The following CGNL1 variants were observed in gnomAD, a reference collection of about 807,000 sequenced individuals.
CGNL1 encodes the protein cingulin like 1, also known as cingulin-like protein 1.
A neutral mutation model predicts 141.2 loss-of-function variants in CGNL1; 132 were observed. That is an observed-to-expected ratio of 0.93 (90% confidence interval 0.81 to 1.08). The LOEUF (loss-of-function observed/expected upper bound fraction) is 1.08, where lower values mean the gene tolerates loss of function less well. CGNL1 is among the 50% of genes least tolerant of loss of function. The pLI is 0.00. For synonymous variants in CGNL1, 690 were observed against 622.1 expected, an observed-to-expected ratio of 1.11 and a Z score of -1.63; for missense variants, 1,870 against 1,588.6, an observed-to-expected ratio of 1.18 and a Z score of -3.01.
At chr15:57,483,468 CTTTTTT>C (rs60667956) in intron 8 of CGNL1, among the ~76,000 whole-genome samples, 1 of 127,806 alleles carries the variant, frequency 7.8e-6, no homozygotes, top group Non-Finnish European at 1.6e-5. Flanking sequence ...ACAAAGTTTT[CTTTTTT>C]TTTTTTTTTT....
chr15:57,471,575 G>A (rs1054818820), intron 8 of CGNL1, among the ~76,000 whole-genome samples: 9 of 152,224 alleles, frequency 5.9e-5, no homozygotes, highest in Non-Finnish European at 8.8e-5. Context: ...GAGGTAATGC[G>A]CTGGAAGCAC....
intron 1 of CGNL1, among the ~76,000 whole-genome samples, chr15:57,389,625 A>G (rs1473660895): frequency 6.6e-6 from 1 of 152,126 alleles, no homozygotes; most frequent in African/African-American, 2.4e-5. Context: ...CTGGTGCCTT[A>G]TGTATAGGAG....
intron 8 of CGNL1, among the ~76,000 whole-genome samples, chr15:57,475,421 C>G (rs1190622884): frequency 6.6e-6 from 1 of 152,104 alleles, no homozygotes; most frequent in Non-Finnish European, 1.5e-5. Context: ...GTCCCCACAA[C>G]AGAGACATAT....
rs2033007054 is a variant in CGNL1, at chr15:57,549,175, A to G, written c.*1685A>G. On this transcript the variant is annotated 3_prime_UTR_variant, in exon 19 of 19. Coordinates refer to ENST00000281282, the MANE Select transcript of CGNL1 (RefSeq NM_032866.5). ...GACTCCCTCCTGGCCTTCCTGTGTCACTTCACAATGTGACAGTCCCCAGGC... is the reference window on the plus strand; with the variant it reads ...GACTCCCTCCTGGCCTTCCTGTGTCGCTTCACAATGTGACAGTCCCCAGGC... 6.6e-6 allele frequency: 1 copy of G among 152,202 alleles called. No homozygotes were observed. Among genetic ancestry groups the G allele is most frequent in the South Asian group, 2.1e-4 (1 of 4,832 alleles). 9.4% of individuals were successfully genotyped at this position (152,202 alleles called of 1,614,324 possible). A position where few individuals can be genotyped will look rare whatever the true frequency, so the allele number is the denominator to read the frequency against.
intron 1 of CGNL1, among the ~76,000 whole-genome samples, chr15:57,432,443 A>G (rs1300025689): frequency 1.3e-5 from 2 of 152,208 alleles, no homozygotes; most frequent in African/African-American, 4.8e-5. Flanking sequence ...TCTTACAAAC[A>G]CACTCGCTGA....
intron 1 of CGNL1, among the ~76,000 whole-genome samples, chr15:57,420,125 T>C (rs1415959762): frequency 1.3e-5 from 2 of 152,232 alleles, no homozygotes; most frequent in Non-Finnish European, 2.9e-5. Context: ...TTTCTGGCAC[T>C]GTAGGATACT....
intron 14 of CGNL1, among the ~76,000 whole-genome samples, chr15:57,539,751 TGGG>T (rs1362265211): frequency 6.6e-6 from 1 of 152,144 alleles, no homozygotes; most frequent in Admixed American, 6.5e-5. Flanking sequence ...TCCCCTGACA[TGGG>T]GGGTTGGAGG....
At chr15:57,437,518 T>A (rs1208229709) in intron 1 of CGNL1, among the ~76,000 whole-genome samples, 13 of 150,824 alleles carry the variant, frequency 8.6e-5, no homozygotes, top group Admixed American at 7.3e-4. Flanking sequence ...TAGCTCTTAA[T>A]TATTTTCATG....
intron 1 of CGNL1, among the ~76,000 whole-genome samples, chr15:57,409,064 C>T (rs1026672626): frequency 2.0e-4 from 31 of 151,976 alleles, no homozygotes; most frequent in African/African-American, 7.2e-4. Context: ...CACACACACA[C>T]ACACACACAT....
chr15:57,527,858 C>G (rs1404126992), intron 12 of CGNL1, among the ~76,000 whole-genome samples: 1 of 152,184 alleles, frequency 6.6e-6, no homozygotes, highest in Non-Finnish European at 1.5e-5. Context: ...GAGTTGAAAC[C>G]TCTTTTGAGG....
At chr15:57,451,085 A>G (rs981842414) in intron 4 of CGNL1, among the ~76,000 whole-genome samples, 2 of 152,204 alleles carry the variant, frequency 1.3e-5, no homozygotes, top group African/African-American at 2.4e-5. Context: ...ATTGATTTCC[A>G]TGCTCTGGAA....
At chr15:57,441,382 T>G (rs1285505374) in intron 3 of CGNL1, among the ~76,000 whole-genome samples, 3 of 152,116 alleles carry the variant, frequency 2.0e-5, no homozygotes, top group Non-Finnish European at 4.4e-5. Context: ...TTTTTTTTAT[T>G]TTTTGGGACA....
rs769988142 is a variant in CGNL1 at position 57,547,922 on chromosome 15, C to A, written c.*432C>A. 66 of 156,516 alleles carry A rather than the reference C, an allele frequency of 4.2e-4. 2 individuals are homozygous for A. The highest frequency in any genetic ancestry group is 1.3e-4 in the Admixed American group (2 of 15,412). 9.7% of individuals were successfully genotyped at this position (156,516 alleles called of 1,614,324 possible). On this transcript the variant is annotated 3_prime_UTR_variant, in exon 19 of 19. Coordinates refer to ENST00000281282, the MANE Select transcript of CGNL1 (RefSeq NM_032866.5). ...ATTTTAAACCAGACCTTCTCACGAA[C>A]TGCTGCTGTTGGGTTTGGAATGTGA...
At chr15:57,425,530 G>A (rs1441452738) in intron 1 of CGNL1, among the ~76,000 whole-genome samples, 2 of 152,124 alleles carry the variant, frequency 1.3e-5, no homozygotes, top group East Asian at 1.9e-4. Flanking sequence ...ATCACTTGAG[G>A]TCAGGAGTTT....
chr15:57,541,721 G>A (rs1416991991), intron 14 of CGNL1, among the ~76,000 whole-genome samples: 1 of 152,220 alleles, frequency 6.6e-6, no homozygotes, highest in African/African-American at 2.4e-5. Flanking sequence ...CAGAGACAGA[G>A]CCATGAAGTA....
chr15:57,462,180 A>T (rs1296354573), intron 8 of CGNL1, among the ~76,000 whole-genome samples: 1 of 152,192 alleles, frequency 6.6e-6, no homozygotes, highest in Non-Finnish European at 1.5e-5. Context: ...CCCCTTGCAG[A>T]GTGGAGGGAT....
At chr15:57,429,096 C>T (rs2063014052) in intron 1 of CGNL1, among the ~76,000 whole-genome samples, 1 of 151,850 alleles carries the variant, frequency 6.6e-6, no homozygotes, top group Admixed American at 6.6e-5. Context: ...TTGTTGGGTA[C>T]TTGCAAAAAT....
intron 18 of CGNL1, 32 bp downstream of exon 18, chr15:57,546,271 G>A (rs779272709): frequency 6.5e-6 from 10 of 1,540,176 alleles, no homozygotes; most frequent in East Asian, 2.4e-5. Flanking sequence ...AGAGGGCCGG[G>A]TAATCTCCCC....
At chr15:57,545,161 C>T (rs748350835) in intron 16 of CGNL1, among the ~76,000 whole-genome samples, 3 of 152,184 alleles carry the variant, frequency 2.0e-5, no homozygotes, top group Admixed American at 6.5e-5. Flanking sequence ...TTCCAGCAGT[C>T]GTTCTGACTC....
Sources: gnomAD v4.1 joint callset for allele counts (sites outside exome capture counted in the v4.1 genomes callset) on GRCh38, gnomAD v4.1.1 for gene constraint, MANE v1.5 for transcripts, NCBI Gene and HGNC (gene_info 2026-07-23, HGNC 2026-07-21) for gene names.